Variants in NBAS observed in about 807,000 individuals in gnomAD.
The protein encoded by NBAS is NBAS subunit of NRZ tethering complex.
In NBAS, 219 loss-of-function variants were observed where a neutral mutation model predicts 302.5. That is an observed-to-expected ratio of 0.72 (90% CI 0.65 to 0.81). The LOEUF (loss-of-function observed/expected upper bound fraction) is 0.81. Ranked by LOEUF, NBAS falls within the 30% of genes least tolerant of loss-of-function variation. The pLI is 0.00. For synonymous variants in NBAS, 1,118 were observed against 1,021.6 expected (o/e 1.09, Z -1.80); for missense variants, 2,932 against 2,841.6 (o/e 1.03, Z -0.72).
At chr2:15,247,876 C>T (rs1190579686) in intron 44 of NBAS, among the ~76,000 whole-genome samples, 1 of 152,070 alleles carries the variant, frequency 6.6e-6, no homozygotes, top group Non-Finnish European at 1.5e-5. Flanking sequence ...TAACACCCCA[C>T]TGTCAATATT....
chr2:15,521,343 G>A (rs910287926), intron 9 of NBAS, among the ~76,000 whole-genome samples: 3 of 152,124 alleles, frequency 2.0e-5, no homozygotes, highest in Admixed American at 2.0e-4. Context: ...TTTCACCGAA[G>A]AAAAGTTTGG....
chr2:15,284,298 T>C (rs922632356), intron 42 of NBAS, among the ~76,000 whole-genome samples: 1 of 152,242 alleles, frequency 6.6e-6, no homozygotes, highest in Non-Finnish European at 1.5e-5. Flanking sequence ...TTAGATATCT[T>C]ACCACTAAAT....
the NBAS span, among the ~76,000 whole-genome samples, chr2:15,105,937 C>T: frequency 2.8e-4 from 42 of 152,164 alleles, no homozygotes; most frequent in African/African-American, 5.1e-4. Context: ...GATTCCCTTT[C>T]GCCTTGAGCT....
chr2:15,136,695 C>T, the NBAS span, among the ~76,000 whole-genome samples: 1 of 152,138 alleles, frequency 6.6e-6, no homozygotes, highest in East Asian at 1.9e-4. Flanking sequence ...GCTCTTTGTC[C>T]CCACCCAAAT....
At chr2:14,985,559 T>C in the NBAS span, among the ~76,000 whole-genome samples, 1 of 152,194 alleles carries the variant, frequency 6.6e-6, no homozygotes, top group Non-Finnish European at 1.5e-5. Context: ...AAAATATAAA[T>C]CGTTTCCTCT....
chr2:14,970,030 A>G, the NBAS span, among the ~76,000 whole-genome samples: 1 of 152,260 alleles, frequency 6.6e-6, no homozygotes, highest in African/African-American at 2.4e-5. Context: ...AAACTTTTCA[A>G]TTTAAATAAA....
At chr2:14,921,236 C>T in the NBAS span, among the ~76,000 whole-genome samples, 1 of 152,092 alleles carries the variant, frequency 6.6e-6, no homozygotes, top group Non-Finnish European at 1.5e-5. Flanking sequence ...TCAGAACACA[C>T]ACAACATTTA....
intron 21 of NBAS, among the ~76,000 whole-genome samples, chr2:15,444,769 A>AC (rs1558345576): frequency 6.6e-6 from 1 of 152,104 alleles, no homozygotes; most frequent in African/African-American, 2.4e-5. Context: ...ACAAAGGGCT[A>AC]ATATCCAGAA....
intron 50 of NBAS, among the ~76,000 whole-genome samples, chr2:15,182,273 A>C (rs957036006): frequency 1.3e-5 from 2 of 152,222 alleles, no homozygotes; most frequent in African/African-American, 4.8e-5. Flanking sequence ...AGTGTTTGTT[A>C]TATACTTTGC....
At chr2:14,810,155 T>G in the NBAS span, among the ~76,000 whole-genome samples, 1 of 152,206 alleles carries the variant, frequency 6.6e-6, no homozygotes, top group Non-Finnish European at 1.5e-5. Context: ...ACTCTTGAGT[T>G]AATGCTGTAA....
At chr2:14,940,051 AG>A in the NBAS span, among the ~76,000 whole-genome samples, 1 of 152,188 alleles carries the variant, frequency 6.6e-6, no homozygotes, top group Non-Finnish European at 1.5e-5. Flanking sequence ...TACACACTGG[AG>A]CATGGGAGTA....
chr2:14,908,714 C>T, the NBAS span, among the ~76,000 whole-genome samples: 1 of 152,170 alleles, frequency 6.6e-6, no homozygotes, highest in Non-Finnish European at 1.5e-5. Context: ...GGGAACAGGG[C>T]AATATGCTAA....
chr2:14,816,605 T>C, the NBAS span, among the ~76,000 whole-genome samples: 1 of 152,342 alleles, frequency 6.6e-6, no homozygotes, highest in African/African-American at 2.4e-5. Flanking sequence ...ATGTATGTTT[T>C]AATTCATCTA....
At chr2:14,938,289 A>T in the NBAS span, among the ~76,000 whole-genome samples, 2 of 152,246 alleles carry the variant, frequency 1.3e-5, no homozygotes, top group Non-Finnish European at 2.9e-5. Flanking sequence ...CAAAGAAAAA[A>T]TGTATACAGA....
chr2:15,088,309 TAGG>T, the NBAS span, among the ~76,000 whole-genome samples: 2 of 152,210 alleles, frequency 1.3e-5, no homozygotes, highest in Non-Finnish European at 2.9e-5. Context: ...GAGTATGTCA[TAGG>T]AGCTGTGTTT....
intron 50 of NBAS, 37 bp from the exon 51 acceptor site, chr2:15,179,153 G>C (rs201808500): frequency 8.1e-6 from 13 of 1,613,252 alleles, no homozygotes; most frequent in African/African-American, 1.3e-5. Context: ...AGAACTCCAC[G>C]ACGTACTTCT....
chr2:15,210,258 G>T (rs1666345901), intron 48 of NBAS, among the ~76,000 whole-genome samples: 1 of 151,856 alleles, frequency 6.6e-6, no homozygotes, highest in Non-Finnish European at 1.5e-5. Context: ...AATATATAAG[G>T]AGTTCAAACA....
Position 15,556,839 on chromosome 2 carries a change from C to T in NBAS, c.173-20G>A, listed in dbSNP as rs541035032. The stretch of plus-strand genomic sequence containing the variant: ...AACGATCTGTAATCAAAAGAAATGG[C>T]AAAGCCAAATATAAATCAGCTGTTA... On this transcript the variant is annotated intron_variant, in intron 2 of 51. Transcript: ENST00000281513. 2.5e-6 allele frequency: 4 copies of T among 1,593,174 alleles called. No individual in the cohort carries two copies. In the Admixed American group the frequency reaches 5.0e-5, roughly 20 times the overall value.
chr2:14,970,199 C>T, the NBAS span, among the ~76,000 whole-genome samples: 65,487 of 151,962 alleles, frequency 0.43, 15,948 homozygotes, highest in African/African-American at 0.67. Context: ...TTCATATGCA[C>T]CCCATGTGAG....
Sources: gnomAD v4.1 joint callset for allele counts (sites outside exome capture counted in the v4.1 genomes callset) on GRCh38, gnomAD v4.1.1 for gene constraint, MANE v1.5 for transcripts, NCBI Gene and HGNC (gene_info 2026-07-23, HGNC 2026-07-21) for gene names.